The following LYST variants were observed in gnomAD, a reference collection of about 807,000 sequenced individuals.
LYST encodes the protein lysosomal-trafficking regulator.
In LYST, 192 loss-of-function variants were observed where a neutral mutation model predicts 413.6. That is an observed-to-expected ratio of 0.46 (90% CI 0.41 to 0.52). LYST has a LOEUF of 0.52. Ranked by LOEUF, LYST falls within the 20% of genes least tolerant of loss-of-function variation. The pLI is 0.00. For missense variants in LYST, 3,815 were observed against 4,499.9 expected (o/e 0.85, Z 4.35); for synonymous variants, 1,525 against 1,567.3 (o/e 0.97, Z 0.64).
At position 235,775,004 on chromosome 1, in the gene LYST, C is replaced by G; in HGVS notation, c.5543G>C (p.Arg1848Thr). 6.2e-7 allele frequency: 1 copy of G among 1,610,098 alleles called. No homozygotes were observed. The highest frequency in any genetic ancestry group is 8.5e-7 in the Non-Finnish European group (1 of 1,177,398). The change falls in exon 18 of 53, where the codon AGA becomes ACA. Residue 1848 changes from arginine to threonine, a missense_variant. Around this residue, in one of 4 missense-constraint regions of LYST, gnomAD observed 530 missense variants for 696.5 expected, o/e 0.76. Transcript: ENST00000389793. ...ATTACAATTTTCTAATTCATGTACT[C>G]TTTGTTGGTTGTATTTAATTAATGA... Reference protein sequence around the residue: ...ILSLIKYNQQRVHELENCNGL... With the variant: ...ILSLIKYNQQTVHELENCNGL...
chr1:235,812,455 C>T lies in LYST; in HGVS notation c.283+516G>A, dbSNP rs1372150717. On this transcript the variant is annotated intron_variant, in intron 4 of 52. Coordinates refer to ENST00000389793, the MANE Select transcript of LYST (RefSeq NM_000081.4). ...TCGGGAGGCTGAGGTTGCAGTGAGC[C>T]GAGATCACTCCACTGCCCTCCAACC... Among the ~76,000 whole-genome samples, 3 of 150,142 alleles carry T rather than the reference C, an allele frequency of 2.0e-5. No individual in the cohort carries two copies. In the Admixed American group the frequency reaches 2.0e-4, roughly 10 times the overall value.
chr1:235,726,391 A>T (rs1663873972), intron 38 of LYST, among the ~76,000 whole-genome samples: 1 of 152,216 alleles, frequency 6.6e-6, no homozygotes, highest in Non-Finnish European at 1.5e-5. Flanking sequence ...TAATATTTTC[A>T]TACTTAAAAC....
At chr1:235,739,001 G>A (rs1341870890) in intron 31 of LYST, 3 of 705,486 alleles carry the variant, frequency 4.3e-6, no homozygotes, top group Admixed American at 3.5e-5. Flanking sequence ...GTCTTCTGAT[G>A]TCATACTATT....
At chr1:235,789,365 C>A (rs1412805032) in intron 12 of LYST, among the ~76,000 whole-genome samples, 2 of 152,044 alleles carry the variant, frequency 1.3e-5, no homozygotes, top group East Asian at 3.8e-4. Context: ...CATATAATTG[C>A]TAAGTGATTC....
Position 235,805,882 on chromosome 1 carries a change from G to A in LYST, c.3254C>T (p.Pro1085Leu), listed in dbSNP as rs774403346. 81 of 1,613,552 alleles carry A rather than the reference G, an allele frequency of 5.0e-5. No homozygotes were observed. The highest frequency in any genetic ancestry group is 6.5e-5 in the Non-Finnish European group (77 of 1,179,890). ...VEEVSATEAA[P>L]EEAKLFTSQE... is the part of the protein sequence containing the mutation. ...ACTTGTAAATAGCTTTGCTTCCTCG[G>A]GAGCGGCTTCAGTAGCTGAAACTTC... The change falls in exon 6 of 53, where the codon CCC becomes CTC. Residue 1085 changes from proline to leucine, a missense_variant. Pro to Leu is a moderately conservative substitution (Grantham distance 98). Around this residue, in one of 4 missense-constraint regions of LYST, gnomAD observed 1,648 missense variants for 1,810.3 expected, o/e 0.91. Coordinates refer to ENST00000389793, the MANE Select transcript of LYST (RefSeq NM_000081.4).
rs1298847227 is a variant in LYST, at chr1:235,762,760, C to T, written c.6213G>A (p.Met2071Ile). The change falls in exon 22 of 53, where the codon ATG (methionine) becomes ATA (isoleucine). Residue 2071 changes from methionine to isoleucine, a missense_variant. Met to Ile is a conservative substitution (Grantham distance 10). This residue lies in a region of LYST where 530 missense variants were observed against 696.5 expected (regional missense o/e 0.76). Transcript: ENST00000389793. ...CAGTAAAACCAGATGGGCTTATTAC[C>T]ATAAATCCAGGGCTCATAAGGGACC... ...GGRSLMSPGF[M>I]VISPSGFTAS... The T allele has an allele frequency of 1.6e-5, 26 of 1,613,138 alleles. No individual in the cohort carries two copies. In the Admixed American group the frequency reaches 4.2e-4, roughly 26 times the overall value.
chr1:235,786,137 C>G (rs1341619268), intron 14 of LYST, among the ~76,000 whole-genome samples: 1 of 152,108 alleles, frequency 6.6e-6, no homozygotes, highest in Non-Finnish European at 1.5e-5. Flanking sequence ...ATTACAGATT[C>G]TGTTCTTTGA....
chr1:235,687,503 G>A (rs1199254470), intron 47 of LYST, among the ~76,000 whole-genome samples: 2 of 152,208 alleles, frequency 1.3e-5, no homozygotes, highest in Admixed American at 1.3e-4. Context: ...TAGTTCTAAA[G>A]ATTGTTAAGC....
intron 38 of LYST, among the ~76,000 whole-genome samples, chr1:235,724,507 C>A (rs1663675315): frequency 6.6e-6 from 1 of 152,194 alleles, no homozygotes; most frequent in South Asian, 2.1e-4. Flanking sequence ...GTGTGGGACA[C>A]TAATTACAAT....
chr1:235,866,658 G>C (rs543334974), intron 1 of LYST, among the ~76,000 whole-genome samples, 185 bp downstream of exon 1: 1 of 151,904 alleles, frequency 6.6e-6, no homozygotes, highest in Non-Finnish European at 1.5e-5. Flanking sequence ...AAGCCAGAGA[G>C]GACGCCCCGA....
chr1:235,878,050 C>T (rs1469674231), intron 1 of LYST, among the ~76,000 whole-genome samples: 5 of 152,016 alleles, frequency 3.3e-5, no homozygotes, highest in Non-Finnish European at 7.4e-5. Context: ...TTGGAAAGGG[C>T]CTCAAATATG....
At chr1:235,672,535 T>C (rs58482075) in intron 50 of LYST, among the ~76,000 whole-genome samples, 8,432 of 152,140 alleles carry the variant, frequency 0.055, 797 homozygotes, top group African/African-American at 0.19. Context: ...AAAAAGCAAC[T>C]TTGGCTGCTT....
intron 1 of LYST, 50 bp from the exon 2 acceptor site, chr1:235,833,717 T>A: frequency 2.8e-6 from 1 of 357,786 alleles, no homozygotes; most frequent in Non-Finnish European, 3.9e-6. Flanking sequence ...CAAATAATTT[T>A]AACAAAGTTG....
chr1:235,806,865 G>T, intron 5 of LYST, 93 bp from the exon 6 acceptor site: 2 of 845,340 alleles, frequency 2.4e-6, no homozygotes, highest in Non-Finnish European at 1.9e-6. Flanking sequence ...GCTATTGCAT[G>T]TGGGATATAC....
intron 47 of LYST, among the ~76,000 whole-genome samples, chr1:235,687,772 C>G (rs1468948540): frequency 6.6e-6 from 1 of 152,198 alleles, no homozygotes; most frequent in African/African-American, 2.4e-5. Context: ...ACACCTCTTC[C>G]TCTCCTCTCC....
intron 1 of LYST, among the ~76,000 whole-genome samples, chr1:235,878,976 C>T (rs180926642): frequency 1.5e-3 from 229 of 152,210 alleles, no homozygotes; most frequent in Non-Finnish European, 2.9e-3. Context: ...TTAGAGTACC[C>T]ATCACCTGAA....
At chr1:235,679,367 A>C (rs1242769305) in intron 48 of LYST, among the ~76,000 whole-genome samples, 1 of 151,872 alleles carries the variant, frequency 6.6e-6, no homozygotes, top group African/African-American at 2.4e-5. Context: ...AAAGGACCTG[A>C]GCCCCTTCCT....
intron 36 of LYST, 125 bp from the exon 37 acceptor site, chr1:235,729,782 G>A: frequency 4.3e-6 from 3 of 698,894 alleles, no homozygotes; most frequent in Non-Finnish European, 7.7e-6. Flanking sequence ...ATAGCATGAG[G>A]TATCTTGTCG....
intron 3 of LYST, among the ~76,000 whole-genome samples, chr1:235,814,901 A>C (rs1172667119): frequency 6.6e-6 from 1 of 152,112 alleles, no homozygotes; most frequent in Non-Finnish European, 1.5e-5. Context: ...CTCCGCATAC[A>C]TCTAGCTGGT....
Sources: gnomAD v4.1 joint callset for allele counts (sites outside exome capture counted in the v4.1 genomes callset) on GRCh38, gnomAD v4.1.1 for gene constraint, gnomAD v4.1.1 regional missense constraint, MANE v1.5 for transcripts, NCBI Gene and HGNC (gene_info 2026-07-23, HGNC 2026-07-21) for gene names.